Variants in FAM53A observed in about 807,000 individuals in gnomAD.
The protein encoded by FAM53A is protein FAM53A.
Under a neutral mutation model 26.6 loss-of-function variants are expected in FAM53A, and 28 were observed. The observed-to-expected ratio is 1.05, with a 90% confidence interval of 0.78 to 1.45. FAM53A has a LOEUF of 1.45. Among genes scored for constraint, FAM53A ranks in the 40% most tolerant of loss-of-function variants. The probability of loss-of-function intolerance (pLI) is 0.00; values close to 1 mark genes in which losing one functional copy is unlikely to be tolerated. For synonymous variants in FAM53A, 290 were observed against 253.1 expected, an observed-to-expected ratio of 1.15 and a Z score of -1.38; for missense variants, 650 against 575.8, an observed-to-expected ratio of 1.13 and a Z score of -1.32.
At chr4:1,613,043 G>T (rs1331499558), downstream of FAM53A, among the ~76,000 whole-genome samples, 2 of 152,198 alleles carry the variant, frequency 1.3e-5, no homozygotes, top group Non-Finnish European at 2.9e-5. Flanking sequence ...TGACCAAAGG[G>T]TCAGCAGAGG....
chr4:1,619,542 C>T (rs910969383), intron 1 of FAM53A, among the ~76,000 whole-genome samples: 4 of 152,220 alleles, frequency 2.6e-5, no homozygotes, highest in African/African-American at 9.6e-5. Flanking sequence ...GCCGCATCTC[C>T]CTCCCGCACC....
the FAM53A span, among the ~76,000 whole-genome samples, chr4:1,574,866 GGCTGCCC>G: frequency 7.9e-5 from 12 of 152,248 alleles, no homozygotes; most frequent in Non-Finnish European, 1.6e-4. Flanking sequence ...CGGACGGACC[GGCTGCCC>G]GAACCCCTCG....
the FAM53A span, among the ~76,000 whole-genome samples, chr4:1,578,602 G>T: frequency 4.6e-5 from 7 of 151,130 alleles, no homozygotes; most frequent in Admixed American, 4.6e-4. Context: ...ACTAGACTCT[G>T]CAGGTCCCCA....
chr4:1,656,518 C>T (rs1406880445), intron 3 of FAM53A, among the ~76,000 whole-genome samples: 5 of 151,978 alleles, frequency 3.3e-5, no homozygotes, highest in African/African-American at 1.2e-4. Flanking sequence ...GGGGAGGAGA[C>T]GTGGAGGTGT....
rs1374413518 is a variant in FAM53A, at chr4:1,630,308, T to G, written c.432-12197A>C. On this transcript the variant is annotated intron_variant, in intron 1 of 1. Transcript: ENST00000489029. The surrounding 1 kb of genome is among the most constrained non-coding windows in gnomAD (Gnocchi z 4.3). ...CAGGGGGTCAGAGCCCACCTTGGTG[T>G]TGTGGCCCCCATGGTGTCTGCTGAG... Among the ~76,000 whole-genome samples the G allele has an allele frequency of 2.0e-5, 3 of 152,198 alleles. No individual in the cohort carries two copies. Among genetic ancestry groups the G allele is most frequent in the Non-Finnish European group, 2.9e-5 (2 of 68,018 alleles).
At chr4:1,682,491 G>C (rs1169688901) in intron 1 of FAM53A, among the ~76,000 whole-genome samples, 1 of 152,068 alleles carries the variant, frequency 6.6e-6, no homozygotes, top group Non-Finnish European at 1.5e-5. Context: ...TCGATCTCCT[G>C]ACCTCGTGAT....
At chr4:1,637,593 G>A (rs1318827055), downstream of FAM53A, among the ~76,000 whole-genome samples, 1 of 152,120 alleles carries the variant, frequency 6.6e-6, no homozygotes, top group Non-Finnish European at 1.5e-5. Context: ...CCCTGCAGTG[G>A]GGAAGGCCCC....
chr4:1,666,301 A>G (rs1714227904), intron 2 of FAM53A, among the ~76,000 whole-genome samples: 1 of 137,964 alleles, frequency 7.2e-6, no homozygotes, highest in South Asian at 2.4e-4. Context: ...CTAAAATAAA[A>G]CCTGCACCTG....
intron 4 of FAM53A, among the ~76,000 whole-genome samples, chr4:1,646,283 TAG>T: frequency 6.6e-6 from 1 of 152,240 alleles, no homozygotes; most frequent in African/African-American, 2.4e-5. Flanking sequence ...GTATTTTTAG[TAG>T]AGACAGGGTT....
rs1712671847 is a variant in FAM53A at position 1,650,402 on chromosome 4, CGTGGTGTTTGACTGTGAGGTGGCACAGGT to C, written c.882+4547_882+4575del. The stretch of plus-strand genomic sequence containing the variant: ...TGTGGTGTTTGTGAGGTGGCATAGG[CGTGGTGTTTGACTGTGAGGTGGCACAGGT>C]GTGGTGTTTGACTGTGAGGTGGCAC... On this transcript the variant is annotated intron_variant, in intron 4 of 4. Transcript: ENST00000308132. 6.8e-5 allele frequency among the ~76,000 whole-genome samples: 10 copies of C among 146,236 alleles called. No homozygotes were observed. In the South Asian group the frequency reaches 2.2e-3, roughly 31 times the overall value.
At position 1,659,021 on chromosome 4, in the gene FAM53A, C is replaced by T. The variant is rs906109254; in HGVS notation, c.76-1553G>A. On this transcript the variant is annotated intron_variant, in intron 2 of 4. Coordinates refer to ENST00000308132, the MANE Select transcript of FAM53A (RefSeq NM_001174070.3). The surrounding 1 kb of genome is among the most constrained non-coding windows in gnomAD (Gnocchi z 5.2). ...CGTCCTATGATAACATTTCCAAACACGATAAAATTAAAAGGAAATCCTTCA... is the reference window on the plus strand; with the variant it reads ...CGTCCTATGATAACATTTCCAAACATGATAAAATTAAAAGGAAATCCTTCA... 8.5e-5 allele frequency among the ~76,000 whole-genome samples: 13 copies of T among 152,232 alleles called. No homozygotes were observed. In the South Asian group the frequency reaches 1.0e-3, roughly 12 times the overall value.
chr4:1,590,132 CA>C, the FAM53A span, among the ~76,000 whole-genome samples: 1 of 152,128 alleles, frequency 6.6e-6, no homozygotes, highest in African/African-American at 2.4e-5. Flanking sequence ...TTCCCTTAAC[CA>C]GGGGTATTCA....
chr4:1,671,326 G>A (rs113026832), intron 1 of FAM53A, among the ~76,000 whole-genome samples: 7 of 138,654 alleles, frequency 5.0e-5, no homozygotes, highest in Non-Finnish European at 7.9e-5. Flanking sequence ...CTGTCCCAGC[G>A]TCAGAGCCCC....
chr4:1,602,066 C>T, the FAM53A span, among the ~76,000 whole-genome samples: 1 of 151,518 alleles, frequency 6.6e-6, no homozygotes, highest in Non-Finnish European at 1.5e-5. Context: ...GTGGGTGTCA[C>T]CTTGGCGTGC....
intron 1 of FAM53A, among the ~76,000 whole-genome samples, chr4:1,671,350 C>T (rs1169078356): frequency 6.9e-6 from 1 of 145,552 alleles, no homozygotes; most frequent in African/African-American, 2.5e-5. Context: ...CTCACAGCCA[C>T]GGCCCGGACT....
downstream of FAM53A, among the ~76,000 whole-genome samples, chr4:1,616,346 C>T (rs1157382798): frequency 2.6e-5 from 4 of 152,174 alleles, no homozygotes; most frequent in Admixed American, 2.0e-4. Flanking sequence ...GGGGAGGTCC[C>T]ACCCCTCCCT....
intron 4 of FAM53A, among the ~76,000 whole-genome samples, chr4:1,654,696 G>A (rs1464581709): frequency 6.6e-6 from 1 of 152,234 alleles, no homozygotes; most frequent in Admixed American, 6.5e-5. Context: ...CCGTTCTGCT[G>A]CCTCCCCCAG....
At chr4:1,587,782 T>C in the FAM53A span, among the ~76,000 whole-genome samples, 2 of 152,326 alleles carry the variant, frequency 1.3e-5, no homozygotes, top group African/African-American at 4.8e-5. Flanking sequence ...AGTTTTATTA[T>C]TTATTTGTTC....
chr4:1,661,711 C>T (rs906271933), intron 2 of FAM53A, among the ~76,000 whole-genome samples: 2 of 152,082 alleles, frequency 1.3e-5, no homozygotes, highest in African/African-American at 4.8e-5. Context: ...GCTGCTCCGG[C>T]AGCTCAGCGA....
Sources: gnomAD v4.1 joint callset for allele counts (sites outside exome capture counted in the v4.1 genomes callset) on GRCh38, gnomAD v4.1.1 for gene constraint, Gnocchi (gnomAD v3.1) non-coding constraint, MANE v1.5 for transcripts, NCBI Gene and HGNC (gene_info 2026-07-23, HGNC 2026-07-21) for gene names.